Variants in CHM observed in about 807,000 individuals in gnomAD.
The protein encoded by CHM is CHM Rab escort protein.
A neutral mutation model predicts 49.0 loss-of-function variants in CHM; 10 were observed. That is an observed-to-expected ratio of 0.20 (90% CI 0.13 to 0.35). The LOEUF (loss-of-function observed/expected upper bound fraction) is 0.35, where lower values mean the gene tolerates loss of function less well. CHM is among the 10% of genes least tolerant of loss of function. The pLI, the probability that CHM is intolerant of heterozygous loss-of-function variation, is 1.00. For missense variants in CHM, 455 were observed against 478.4 expected (o/e 0.95, Z 0.46); for synonymous variants, 184 against 167.5 (o/e 1.10, Z -0.76).
chrX:85,973,102 C>T (rs1424279102), intron 4 of CHM, among the ~76,000 whole-genome samples: 1 of 108,184 alleles, frequency 9.2e-6, no homozygotes, highest in Non-Finnish European at 1.9e-5. Flanking sequence ...AGATCGAAAC[C>T]ATCTTGGCCA....
At position 85,981,822 on chromosome X, in the gene CHM, A is replaced by T; in HGVS notation, c.117-13T>A. 1.2e-6 allele frequency: 1 copy of T among 867,594 alleles called. No homozygotes were observed. The highest frequency in any genetic ancestry group is 1.6e-6 in the Non-Finnish European group (1 of 645,151). 71.5% of individuals were successfully genotyped at this position (867,594 alleles called of 1,213,427 possible). A position where few individuals can be genotyped will look rare whatever the true frequency, so the allele number is the denominator to read the frequency against. On this transcript the variant is annotated splice_polypyrimidine_tract_variant and intron_variant, in intron 2 of 14. Coordinates refer to ENST00000357749, the MANE Select transcript of CHM (RefSeq NM_000390.4). ...ATAGTAGCTTCTTCTGTAACAATTA[A>T]AAAAAAAAAAAAAAGTAAAGAAAAT...
rs759251962 is a variant in CHM at position 85,983,859 on chromosome X, T to C, written c.117-2050A>G. ...AACTTCCCTAAAAAATAAATTATTTTAATAAATGAATGGGCCAGACACAAA... is the reference window on the plus strand; with the variant it reads ...AACTTCCCTAAAAAATAAATTATTTCAATAAATGAATGGGCCAGACACAAA... On this transcript the variant is annotated intron_variant, in intron 2 of 14. Coordinates refer to ENST00000357749, the MANE Select transcript of CHM (RefSeq NM_000390.4). 3.6e-5 allele frequency among the ~76,000 whole-genome samples: 4 copies of C among 111,932 alleles called. No individual in the cohort carries two copies. In the East Asian group the frequency reaches 1.1e-3, roughly 31 times the overall value.
intron 3 of CHM, among the ~76,000 whole-genome samples, chrX:85,981,112 G>A (rs1313305638): frequency 1.9e-5 from 2 of 106,141 alleles, no homozygotes; most frequent in Non-Finnish European, 3.9e-5. Flanking sequence ...GATGATTTTG[G>A]GGAAAAAATT....
chrX:85,945,361 T>A (rs1405192065), intron 8 of CHM, among the ~76,000 whole-genome samples: 2 of 108,257 alleles, frequency 1.8e-5, no homozygotes, highest in Non-Finnish European at 3.8e-5. Context: ...TTTAGCATCA[T>A]CCTCTTGGTG....
chrX:85,979,794 G>A (rs1027336239), intron 3 of CHM, among the ~76,000 whole-genome samples: 3 of 111,857 alleles, frequency 2.7e-5, no homozygotes, highest in African/African-American at 9.7e-5. Context: ...ATGTCATAAA[G>A]GCAATAAATA....
At chrX:85,982,688 T>G (rs1039709934) in intron 2 of CHM, among the ~76,000 whole-genome samples, 1 of 112,042 alleles carries the variant, frequency 8.9e-6, no homozygotes, top group Non-Finnish European at 1.9e-5. Context: ...GTACACTTGA[T>G]CCCACCTACA....
At chrX:85,955,257 T>C (rs1194466153) in intron 8 of CHM, among the ~76,000 whole-genome samples, 3 of 111,887 alleles carry the variant, frequency 2.7e-5, no homozygotes, top group Non-Finnish European at 3.8e-5. Flanking sequence ...AATTGGATTG[T>C]TTTCAACACA....
chrX:85,907,184 TATATATTCCTGACATCAGAAAA>T (rs1453291655), intron 9 of CHM, among the ~76,000 whole-genome samples: 3 of 111,460 alleles, frequency 2.7e-5, no homozygotes, highest in Non-Finnish European at 5.7e-5. Flanking sequence ...CATCAGAAAA[TATATATTCCTGACATCAGAAAA>T]ATATATTCCT....
At chrX:85,916,475 G>C (rs1302229101) in intron 8 of CHM, among the ~76,000 whole-genome samples, 1 of 111,946 alleles carries the variant, frequency 8.9e-6, no homozygotes, top group Non-Finnish European at 1.9e-5. Context: ...AAACTAAAGA[G>C]CTTCTGCACA....
At chrX:85,990,128 T>G (rs754320171) in intron 2 of CHM, among the ~76,000 whole-genome samples, 19 of 112,309 alleles carry the variant, frequency 1.7e-4, no homozygotes, top group Non-Finnish European at 3.6e-4. Flanking sequence ...GAAAATGTGG[T>G]GCATATACAC....
intron 9 of CHM, chrX:85,903,767 T>C (rs1022843370): frequency 1.5e-5 from 5 of 338,081 alleles, no homozygotes; most frequent in Non-Finnish European, 2.9e-5. Flanking sequence ...ATCTCTTATG[T>C]TGTGCTAGGT....
At chrX:85,926,834 A>C (rs1928112992) in intron 8 of CHM, among the ~76,000 whole-genome samples, 1 of 111,872 alleles carries the variant, frequency 8.9e-6, no homozygotes, top group South Asian at 3.7e-4. Context: ...AAATAAAAAT[A>C]TCTCTCTCTG....
At chrX:86,004,274 G>C (rs1164383148) in intron 2 of CHM, among the ~76,000 whole-genome samples, 1 of 111,801 alleles carries the variant, frequency 8.9e-6, no homozygotes, top group Non-Finnish European at 1.9e-5. Flanking sequence ...ACTAAACATG[G>C]AAAGAAACAA....
Position 85,981,756 on chromosome X carries a change from G to C in CHM, c.170C>G (p.Ser57Cys), listed in dbSNP as rs751446986. ...WASFSFSGLL[S>C]WLKEYQENSD... Reference sequence around the variant, plus strand: ...CTTTACCTGGTATTCCTTTAGCCAGGACAATAGTCCTGAAAAGCTAAAACT... The same window carrying C: ...CTTTACCTGGTATTCCTTTAGCCAGCACAATAGTCCTGAAAAGCTAAAACT... Residue 57 changes from serine to cysteine, a missense_variant, in exon 3 of 15, where the codon TCC becomes TGC. Coordinates refer to ENST00000357749, the MANE Select transcript of CHM (RefSeq NM_000390.4). 27 of 1,190,683 alleles carry C rather than the reference G, an allele frequency of 2.3e-5. No individual in the cohort carries two copies. Among genetic ancestry groups the C allele is most frequent in the Non-Finnish European group, 3.1e-5 (27 of 883,335 alleles).
At chrX:86,027,609 A>T in intron 1 of CHM, 52 bp from the exon 2 acceptor site, 1 of 1,055,416 alleles carries the variant, frequency 9.5e-7, no homozygotes, top group Non-Finnish European at 1.3e-6. Flanking sequence ...TATATATTTT[A>T]CATAAAATGT....
chrX:86,035,274 G>A (rs1317202163), intron 1 of CHM, among the ~76,000 whole-genome samples: 2 of 111,852 alleles, frequency 1.8e-5, no homozygotes, highest in African/African-American at 3.3e-5. Flanking sequence ...TTGGAAAAAA[G>A]GGAATAAGGA....
In CHM at chrX:86,043,198, C is replaced by A. The variant is rs773242478; in HGVS notation, c.49+4286G>T. On this transcript the variant is annotated intron_variant, in intron 1 of 14. Coordinates refer to ENST00000357749, the MANE Select transcript of CHM (RefSeq NM_000390.4). Reference sequence around the variant, plus strand: ...TGAAATTTCTCACTTTACAGATGAACTAAATGATGTCACAAGAAATTCTGT... The same window carrying A: ...TGAAATTTCTCACTTTACAGATGAAATAAATGATGTCACAAGAAATTCTGT... Among the ~76,000 whole-genome samples, 7 of 111,262 alleles carry A rather than the reference C, an allele frequency of 6.3e-5. No individual in the cohort carries two copies. The South Asian group carries it at 2.7e-3, about 42-fold the overall frequency.
intron 8 of CHM, among the ~76,000 whole-genome samples, chrX:85,934,066 C>T (rs1357069953): frequency 7.1e-4 from 77 of 108,294 alleles, no homozygotes; most frequent in Admixed American, 1.8e-3. Flanking sequence ...CTGCAACCTC[C>T]GCCTCCTGGG....
At chrX:86,045,784 ATTG>A (rs1934630759) in intron 1 of CHM, among the ~76,000 whole-genome samples, 1 of 112,276 alleles carries the variant, frequency 8.9e-6, no homozygotes, top group Admixed American at 9.4e-5. Context: ...GAAAAAAAAA[ATTG>A]TTGATTAAAA....
Sources: gnomAD v4.1 joint callset for allele counts (sites outside exome capture counted in the v4.1 genomes callset) on GRCh38, gnomAD v4.1.1 for gene constraint, MANE v1.5 for transcripts, NCBI Gene and HGNC (gene_info 2026-07-23, HGNC 2026-07-21) for gene names.